Variants in LRCH2 observed in about 807,000 individuals in gnomAD.
LRCH2 encodes the protein leucine rich repeats and calponin homology domain containing 2.
A neutral mutation model predicts 68.9 loss-of-function variants in LRCH2; 38 were observed. The ratio of observed to expected loss-of-function variants is 0.55; its 90% CI spans 0.43 to 0.72. The LOEUF (loss-of-function observed/expected upper bound fraction) is 0.72. LRCH2 is among the 30% of genes least tolerant of loss of function. The pLI is 0.00. For missense variants in LRCH2, 528 were observed against 572.9 expected, an observed-to-expected ratio of 0.92 and a Z score of 0.80; for synonymous variants, 191 against 208.1, an observed-to-expected ratio of 0.92 and a Z score of 0.71.
chrX:115,218,409 C>T (rs1310287093), intron 1 of LRCH2, among the ~76,000 whole-genome samples: 1 of 112,438 alleles, frequency 8.9e-6, no homozygotes, highest in Non-Finnish European at 1.9e-5. Context: ...TAACTTTCCA[C>T]ACCTAAGTAA....
intron 15 of LRCH2, among the ~76,000 whole-genome samples, chrX:115,128,503 G>A (rs1213324889): frequency 8.9e-6 from 1 of 112,113 alleles, no homozygotes; most frequent in Non-Finnish European, 1.9e-5. Context: ...TGTAATAAAA[G>A]TTATGTAAAT....
chrX:115,213,910 C>T (rs868955200), intron 1 of LRCH2, among the ~76,000 whole-genome samples: 1 of 111,280 alleles, frequency 9.0e-6, no homozygotes, highest in African/African-American at 3.3e-5. Context: ...AAGAAATAAT[C>T]AATAGAAATG....
intron 3 of LRCH2, among the ~76,000 whole-genome samples, chrX:115,181,007 G>A (rs1433600159): frequency 1.8e-5 from 2 of 111,461 alleles, no homozygotes; most frequent in African/African-American, 3.3e-5. Flanking sequence ...CGCAATAGTG[G>A]GGAGGGATAC....
chrX:115,130,109 T>C, intron 15 of LRCH2, 46 bp downstream of exon 15: 4 of 784,804 alleles, frequency 5.1e-6, no homozygotes, highest in Middle Eastern at 5.8e-4. Context: ...CAACTTCATA[T>C]GATAAGTAAA....
intron 14 of LRCH2, among the ~76,000 whole-genome samples, chrX:115,134,649 G>GC (rs1230241787): frequency 8.9e-6 from 1 of 111,924 alleles, no homozygotes; most frequent in Non-Finnish European, 1.9e-5. Flanking sequence ...AATATGTTAA[G>GC]CCCACTATCG....
rs1451611457 is a variant in LRCH2, at chrX:115,118,570, G to C, written c.2178+3957C>G. 5.5e-5 allele frequency among the ~76,000 whole-genome samples: 6 copies of C among 110,039 alleles called. No homozygotes were observed. In the Admixed American group the frequency reaches 5.8e-4, roughly 11 times the overall value. On this transcript the variant is annotated intron_variant, in intron 20 of 20. Transcript: ENST00000317135. ...GAGTCCAGGACCAGATGGATTCACAGCTGAATTCTACCAGAGGTACAAGGA... is the reference window on the plus strand; with the variant it reads ...GAGTCCAGGACCAGATGGATTCACACCTGAATTCTACCAGAGGTACAAGGA...
At chrX:115,204,812 T>A (rs2072954207) in intron 1 of LRCH2, among the ~76,000 whole-genome samples, 1 of 111,671 alleles carries the variant, frequency 9.0e-6, no homozygotes, top group Non-Finnish European at 1.9e-5. Flanking sequence ...TCTAGAGAGT[T>A]CCAAACTTTC....
intron 20 of LRCH2, among the ~76,000 whole-genome samples, chrX:115,116,852 C>T (rs900358180): frequency 8.1e-5 from 9 of 110,860 alleles, no homozygotes; most frequent in Admixed American, 7.7e-4. Context: ...GGAAAGAAAT[C>T]TTTGTGGCCT....
In LRCH2 at chrX:115,113,009, ACT is replaced by A. The variant is rs2072054404; in HGVS notation, c.*205_*206del. ...AAAAGAGAATTTGAGTTTATCAAAT[ACT>A]CTTATTAAGTTAATCCAGTTTTCCC... On this transcript the variant is annotated 3_prime_UTR_variant, in exon 21 of 21. Transcript: ENST00000317135. 1 of 273,181 alleles carries A rather than the reference ACT, an allele frequency of 3.7e-6. No individual in the cohort carries two copies. Among genetic ancestry groups the A allele is most frequent in the Admixed American group, 6.4e-5 (1 of 15,697 alleles). 22.5% of individuals were successfully genotyped at this position (273,181 alleles called of 1,213,427 possible).
At chrX:115,133,343 G>A (rs2072262156) in intron 14 of LRCH2, among the ~76,000 whole-genome samples, 1 of 112,212 alleles carries the variant, frequency 8.9e-6, no homozygotes, top group Non-Finnish European at 1.9e-5. Context: ...AAGAAGCAGG[G>A]TGGAATGACA....
At chrX:115,197,847 T>TCTCTCTCTCTCTCTCTCACACACACACA (rs782358260) in intron 1 of LRCH2, among the ~76,000 whole-genome samples, 1 of 20,565 alleles carries the variant, frequency 4.9e-5, no homozygotes, top group African/African-American at 1.9e-4. Flanking sequence ...TCTCTCTCTC[T>TCTCTCTCTCTCTCTCTCACACACACACA]CACACACACA....
chrX:115,144,625 C>A (rs1294446048), intron 14 of LRCH2, among the ~76,000 whole-genome samples: 1 of 107,450 alleles, frequency 9.3e-6, no homozygotes, highest in African/African-American at 3.4e-5. Flanking sequence ...AATCAACATA[C>A]AAAAGTCAGT....
intron 3 of LRCH2, among the ~76,000 whole-genome samples, chrX:115,183,703 A>C (rs1210879754): frequency 1.8e-5 from 2 of 111,602 alleles, no homozygotes; most frequent in African/African-American, 6.5e-5. Context: ...CAAAAAAAAA[A>C]CTTTAAAAAT....
intron 14 of LRCH2, among the ~76,000 whole-genome samples, chrX:115,135,810 A>AC (rs1388492433): frequency 9.0e-6 from 1 of 111,684 alleles, no homozygotes; most frequent in African/African-American, 3.3e-5. Context: ...TCTACACAAG[A>AC]CCCCCCACCA....
intron 11 of LRCH2, among the ~76,000 whole-genome samples, chrX:115,161,326 A>G (rs2072517577): frequency 9.0e-6 from 1 of 111,119 alleles, no homozygotes; most frequent in East Asian, 2.8e-4. Flanking sequence ...TGCACTCTAG[A>G]CTGGGCAACA....
intron 1 of LRCH2, among the ~76,000 whole-genome samples, chrX:115,229,075 C>T (rs918204456): frequency 7.2e-5 from 8 of 111,244 alleles, no homozygotes; most frequent in African/African-American, 2.6e-4. Context: ...TGAATCTATT[C>T]TAAAACCATA....
intron 2 of LRCH2, among the ~76,000 whole-genome samples, chrX:115,185,565 C>CTATATATAT (rs1569515327): frequency 5.4e-5 from 6 of 111,688 alleles, no homozygotes; most frequent in African/African-American, 2.0e-4. Context: ...CATTTATAGA[C>CTATATATAT]CTATACCTAG....
chrX:115,159,578 C>T (rs996299771), intron 11 of LRCH2, among the ~76,000 whole-genome samples: 2 of 109,257 alleles, frequency 1.8e-5, no homozygotes, highest in East Asian at 2.9e-4. Context: ...GGTGAAACCC[C>T]GTCTCTACTA....
intron 3 of LRCH2, among the ~76,000 whole-genome samples, chrX:115,181,738 C>T (rs2072693183): frequency 8.9e-6 from 1 of 112,171 alleles, no homozygotes; most frequent in Admixed American, 9.5e-5. Flanking sequence ...TCTACTGTTA[C>T]TGATTTCAAG....
Sources: gnomAD v4.1 joint callset for allele counts (sites outside exome capture counted in the v4.1 genomes callset) on GRCh38, gnomAD v4.1.1 for gene constraint, MANE v1.5 for transcripts, NCBI Gene and HGNC (gene_info 2026-07-23, HGNC 2026-07-21) for gene names.